Variants in TENT4B observed in about 807,000 individuals in gnomAD.
TENT4B encodes the protein terminal nucleotidyltransferase 4B.
In TENT4B, 10 loss-of-function variants were observed where a neutral mutation model predicts 75.0. The ratio of observed to expected loss-of-function variants is 0.13; its 90% confidence interval spans 0.08 to 0.23. The LOEUF is 0.23. Among genes scored for constraint, TENT4B ranks in the 10% least tolerant of loss-of-function variants. The pLI, the probability that TENT4B is intolerant of heterozygous loss-of-function variation, is 1.00. For synonymous variants in TENT4B, 350 were observed against 357.7 expected, an observed-to-expected ratio of 0.98 and a Z score of 0.24; for missense variants, 579 against 893.8, an observed-to-expected ratio of 0.65 and a Z score of 4.49.
At chr16:50,194,540 C>CT (rs1342021350) in intron 1 of TENT4B, among the ~76,000 whole-genome samples, 2 of 151,318 alleles carry the variant, frequency 1.3e-5, no homozygotes, top group Non-Finnish European at 3.0e-5. Flanking sequence ...CTTTCTTTTT[C>CT]TTTTTTTCAG....
At chr16:50,184,949 A>G (rs13333929) in intron 1 of TENT4B, among the ~76,000 whole-genome samples, 3,072 of 152,164 alleles carry the variant, frequency 0.02, 111 homozygotes, top group African/African-American at 0.071. Flanking sequence ...GTGTTAATTG[A>G]GCCTGTTGTG....
chr16:50,166,559 CTA>C (rs1351625321), intron 1 of TENT4B, among the ~76,000 whole-genome samples: 3 of 152,192 alleles, frequency 2.0e-5, no homozygotes, highest in Middle Eastern at 3.4e-3. Flanking sequence ...AATCTTTTGA[CTA>C]TTTTAAAATT....
intron 10 of TENT4B, among the ~76,000 whole-genome samples, chr16:50,225,559 ACT>A (rs1439571521): frequency 1.3e-5 from 2 of 151,956 alleles, no homozygotes; most frequent in Non-Finnish European, 2.9e-5. Flanking sequence ...TCTATCCATC[ACT>A]CTATCCATTA....
intron 5 of TENT4B, 77 bp downstream of exon 5, chr16:50,217,740 A>G (rs1176789958): frequency 1.4e-6 from 1 of 740,440 alleles, no homozygotes; most frequent in Non-Finnish European, 2.1e-6. Flanking sequence ...GTGTTCTAAT[A>G]TTTTTATATG....
intron 6 of TENT4B, 62 bp from the exon 7 acceptor site, chr16:50,223,112 A>T: frequency 7.7e-7 from 1 of 1,296,102 alleles, no homozygotes; most frequent in Non-Finnish European, 1.1e-6. Context: ...AATATAATTT[A>T]TTCCCCCTCT....
At chr16:50,152,962 C>A (rs1467038275), upstream of TENT4B, 4 of 1,510,020 alleles carry the variant, frequency 2.6e-6, no homozygotes, top group African/African-American at 1.4e-5. Flanking sequence ...CATGCGGCCT[C>A]GTCCACGCTC....
chr16:50,197,540 G>A (rs1164560230), intron 1 of TENT4B, among the ~76,000 whole-genome samples: 2 of 152,124 alleles, frequency 1.3e-5, no homozygotes, highest in Non-Finnish European at 2.9e-5. Context: ...CTGCCTGCCT[G>A]GGCCTCTGAA....
chr16:50,230,874 A>G lies in TENT4B; in HGVS notation c.*1546A>G. 1 of 985,586 alleles carries G rather than the reference A, an allele frequency of 1.0e-6. No homozygotes were observed. The highest frequency in any genetic ancestry group is 1.2e-6 in the Non-Finnish European group (1 of 829,706). The allele number at this position is 985,586 out of a possible 1,614,324, so 61.1% of individuals were successfully genotyped here. On this transcript the variant is annotated 3_prime_UTR_variant, in exon 12 of 12. Transcript: ENST00000561678. ...GCTCTTATGTTTAGCATCAATGTGT[A>G]TGGCTCTGTTAAATGCAGCCATTTC...
intron 1 of TENT4B, among the ~76,000 whole-genome samples, chr16:50,191,666 T>A (rs2038641468): frequency 6.6e-6 from 1 of 152,184 alleles, no homozygotes; most frequent in Non-Finnish European, 1.5e-5. Flanking sequence ...ATGCCTGTAA[T>A]CCCAGCACTT....
chr16:50,233,828 A>T lies in TENT4B; in HGVS notation c.*4500A>T. ...TGGATGTAGTGCATTCCCTTTGGTT[A>T]TTACACATTTGTGGTAGCTCCTGGA... On this transcript the variant is annotated 3_prime_UTR_variant, in exon 12 of 12. Transcript: ENST00000561678. 2 of 985,418 alleles carry T rather than the reference A, an allele frequency of 2.0e-6. No individual in the cohort carries two copies. The highest frequency in any genetic ancestry group is 2.4e-6 in the Non-Finnish European group (2 of 829,910). The allele number at this position is 985,418 out of a possible 1,614,324, so 61.0% of individuals were successfully genotyped here.
At chr16:50,152,938 C>T (rs1232762830), upstream of TENT4B, 22 of 1,499,158 alleles carry the variant, frequency 1.5e-5, no homozygotes, top group African/African-American at 2.9e-5. Context: ...CCCTGCGGGG[C>T]GGGCGGCAAC....
At position 50,231,137 on chromosome 16, in the gene TENT4B, G is replaced by A; in HGVS notation, c.*1809G>A. ...AATGGAAAAATGTGTTCCAAAACTG[G>A]AAACTCATAGTACTCGTGTAAACTG... is the stretch of plus-strand genomic sequence containing the variant. On this transcript the variant is annotated 3_prime_UTR_variant, in exon 12 of 12. Coordinates refer to ENST00000561678, the MANE Select transcript of TENT4B (RefSeq NM_001365324.3). 1.0e-6 allele frequency: 1 copy of A among 985,546 alleles called. No homozygotes were observed. Among genetic ancestry groups the A allele is most frequent in the Non-Finnish European group, 1.2e-6 (1 of 829,708 alleles). 61.1% of individuals were successfully genotyped at this position (985,546 alleles called of 1,614,324 possible).
Position 50,232,257 on chromosome 16 carries a change from G to A in TENT4B, c.*2929G>A, listed in dbSNP as rs2032319426. On this transcript the variant is annotated 3_prime_UTR_variant, in exon 12 of 12. Transcript: ENST00000561678. ...GTTTGGTTTGGAGATGTCGCACTCA[G>A]TTTTCAAATCTAGCTTGGATCTGTA... The A allele has an allele frequency of 1.0e-6, 1 of 985,296 alleles. No homozygotes were observed. The highest frequency in any genetic ancestry group is 1.7e-5 in the African/African-American group (1 of 57,236). 61.0% of individuals were successfully genotyped at this position (985,296 alleles called of 1,614,324 possible). A position where few individuals can be genotyped will look rare whatever the true frequency, so the allele number is the denominator to read the frequency against.
rs2037814313 is a variant in TENT4B, at chr16:50,153,488, GAGCAGCAGCAGCAGCAGCAGCGGC to G, written c.-127_-104del. The G allele has an allele frequency of 6.3e-6, 6 of 948,112 alleles. No individual in the cohort carries two copies. The highest frequency in any genetic ancestry group is 1.1e-3 in the Middle Eastern group (2 of 1,870). 58.7% of individuals were successfully genotyped at this position (948,112 alleles called of 1,614,324 possible). A position where few individuals can be genotyped will look rare whatever the true frequency, so the allele number is the denominator to read the frequency against. ...GACCGCGCCGCCCGCGGCGGGCCCC[GAGCAGCAGCAGCAGCAGCAGCGGC>G]AGCAGCGGCAGCAGCAGCAGCAGCC... On this transcript the variant is annotated 5_prime_UTR_variant, in exon 1 of 12. Transcript: ENST00000561678.
chr16:50,153,260 G>A (rs1339683922), upstream of TENT4B, among the ~76,000 whole-genome samples: 2 of 143,722 alleles, frequency 1.4e-5, no homozygotes, highest in East Asian at 4.2e-4. Flanking sequence ...GGACGCTACG[G>A]AGCAGGCGCG....
rs745402902 is a variant in TENT4B at position 50,216,058 on chromosome 16, A to G, written c.810-17A>G. Reference sequence around the variant, plus strand: ...CCAACTTCTTCCGACCCTCTTGTATATGTATTCTGTGTTCAGTGACATCGA... The same window carrying G: ...CCAACTTCTTCCGACCCTCTTGTATGTGTATTCTGTGTTCAGTGACATCGA... On this transcript the variant is annotated splice_polypyrimidine_tract_variant and intron_variant, in intron 3 of 11. Coordinates refer to ENST00000561678, the MANE Select transcript of TENT4B (RefSeq NM_001365324.3). 1.2e-6 allele frequency: 2 copies of G among 1,613,768 alleles called. No individual in the cohort carries two copies. The highest frequency in any genetic ancestry group is 2.2e-5 in the East Asian group (1 of 44,866).
At chr16:50,153,289 C>CGCCGCT (rs1555506536), upstream of TENT4B, among the ~76,000 whole-genome samples, 12 of 96,282 alleles carry the variant, frequency 1.2e-4, no homozygotes, top group East Asian at 3.9e-4. Context: ...CCGCCGCTGC[C>CGCCGCT]GCCGCCGCCG....
In TENT4B at chr16:50,154,192, G is replaced by T; in HGVS notation, c.571G>T (p.Asp191Tyr). ...GGRAAGGGRA[D>Y]GGGVVYSGTP... ...GCGGGCCGCGGGGGGCGGCCGAGCAGACGGCGGCGGGGTCGTGTACAGCGG... is the reference window on the plus strand; with the variant it reads ...GCGGGCCGCGGGGGGCGGCCGAGCATACGGCGGCGGGGTCGTGTACAGCGG... The change falls in exon 1 of 12, where the codon GAC (aspartate) becomes TAC (tyrosine). Residue 191 changes from aspartate to tyrosine, a missense_variant. Physicochemically the swap from Asp to Tyr is radical, Grantham distance 160 (BLOSUM62 -3). Around this residue, in one of 7 missense-constraint regions of TENT4B, gnomAD observed 253 missense variants for 270.1 expected, o/e 0.94. Transcript: ENST00000561678. 6.6e-7 allele frequency: 1 copy of T among 1,505,092 alleles called. No individual in the cohort carries two copies. Among genetic ancestry groups the T allele is most frequent in the African/African-American group, 1.4e-5 (1 of 70,472 alleles). The allele number at this position is 1,505,092 out of a possible 1,614,324, so 93.2% of individuals were successfully genotyped here.
chr16:50,209,375 T>C (rs1380831091), intron 1 of TENT4B, among the ~76,000 whole-genome samples: 1 of 152,212 alleles, frequency 6.6e-6, no homozygotes, highest in Admixed American at 6.5e-5. Flanking sequence ...ATTCAGCTGC[T>C]GTCTTCAAGA....
Sources: allele counts gnomAD v4.1 joint callset (sites outside exome capture counted in the v4.1 genomes callset), GRCh38; gene constraint gnomAD v4.1.1; regional missense constraint gnomAD v4.1.1; transcripts MANE v1.5; gene names NCBI Gene and HGNC (gene_info 2026-07-23, HGNC 2026-07-21).